The following IQGAP2 variants were observed in gnomAD, a reference collection of about 807,000 sequenced individuals.
The protein encoded by IQGAP2 is ras GTPase-activating-like protein IQGAP2.
In IQGAP2, 173 loss-of-function variants were observed where a neutral mutation model predicts 201.3. That is an observed-to-expected ratio of 0.86 (90% CI 0.76 to 0.98). The LOEUF is 0.98. Among genes scored for constraint, IQGAP2 ranks in the 50% least tolerant of loss-of-function variants. IQGAP2 has a pLI of 0.00. For synonymous variants in IQGAP2, 675 were observed against 673.9 expected, an observed-to-expected ratio of 1.00 and a Z score of -0.03; for missense variants, 1,687 against 1,864.8, an observed-to-expected ratio of 0.90 and a Z score of 1.76.
At chr5:76,636,292 C>G (rs1287175883) in intron 15 of IQGAP2, among the ~76,000 whole-genome samples, 2 of 152,138 alleles carry the variant, frequency 1.3e-5, no homozygotes, top group Non-Finnish European at 2.9e-5. Flanking sequence ...TGTAACCATT[C>G]AACAAAATAA....
At chr5:76,644,850 A>C (rs1031515290) in intron 17 of IQGAP2, among the ~76,000 whole-genome samples, 6 of 152,180 alleles carry the variant, frequency 3.9e-5, no homozygotes, top group Non-Finnish European at 8.8e-5. Flanking sequence ...ATGGAACAAA[A>C]AAATTCTTTT....
At chr5:76,517,604 C>CA (rs36102224) in intron 2 of IQGAP2, among the ~76,000 whole-genome samples, 1,883 of 83,160 alleles carry the variant, frequency 0.023, 39 homozygotes, top group East Asian at 0.055. Context: ...GACCCTGTTT[C>CA]AAAAAAAAAA....
intron 16 of IQGAP2, 40 bp from the exon 17 acceptor site, chr5:76,640,893 T>TATTC (rs1751520371): frequency 7.0e-7 from 1 of 1,425,702 alleles, no homozygotes; most frequent in South Asian, 1.4e-5. Context: ...GCCTTTCAGC[T>TATTC]GATGTGTGAA....
chr5:76,486,485 A>G (rs1193117671), intron 2 of IQGAP2, among the ~76,000 whole-genome samples: 1 of 152,186 alleles, frequency 6.6e-6, no homozygotes, highest in Non-Finnish European at 1.5e-5. Flanking sequence ...TTCATCCTCA[A>G]CACATAAATT....
At chr5:76,423,005 A>G (rs553123685) in intron 1 of IQGAP2, among the ~76,000 whole-genome samples, 4 of 152,326 alleles carry the variant, frequency 2.6e-5, no homozygotes, top group East Asian at 3.9e-4. Flanking sequence ...GAACCAGGCA[A>G]TGCTACGCCA....
chr5:76,556,253 G>T (rs1479368281), intron 2 of IQGAP2, among the ~76,000 whole-genome samples: 2 of 152,078 alleles, frequency 1.3e-5, no homozygotes, highest in Non-Finnish European at 2.9e-5. Flanking sequence ...GGGAAGGCTG[G>T]TTTCCCCACC....
chr5:76,640,520 G>A (rs1269616392), intron 16 of IQGAP2, among the ~76,000 whole-genome samples: 1 of 152,184 alleles, frequency 6.6e-6, no homozygotes, highest in African/African-American at 2.4e-5. Context: ...GGAAGAAATG[G>A]GAAAGAAGTC....
rs774358557 is a variant in IQGAP2 at position 76,578,503 on chromosome 5, G to A, written c.458+2734G>A. Among the ~76,000 whole-genome samples, 7 of 152,022 alleles carry A rather than the reference G, an allele frequency of 4.6e-5. No individual in the cohort carries two copies. In the East Asian group the frequency reaches 5.8e-4, roughly 13 times the overall value. On this transcript the variant is annotated intron_variant, in intron 5 of 35. Transcript: ENST00000274364. ...AATTTTTTGTATTTTTAGTAGAGACGGGGTTTCACCATGTTGGCCAGGATG... is the reference window on the plus strand; with the variant it reads ...AATTTTTTGTATTTTTAGTAGAGACAGGGTTTCACCATGTTGGCCAGGATG...
intron 2 of IQGAP2, among the ~76,000 whole-genome samples, chr5:76,502,716 TC>T (rs1279936214): frequency 2.0e-5 from 3 of 152,198 alleles, no homozygotes; most frequent in African/African-American, 7.2e-5. Context: ...ACAATTTGTT[TC>T]AAAAGAAGAG....
Position 76,449,073 on chromosome 5 carries a change from C to T in IQGAP2, c.47-12497C>T, listed in dbSNP as rs145014187. Among the ~76,000 whole-genome samples, 358 of 152,272 alleles carry T rather than the reference C, an allele frequency of 2.4e-3. 1 individual carries two copies. The highest frequency in any genetic ancestry group is 7.8e-3 in the African/African-American group (325 of 41,560). On this transcript the variant is annotated intron_variant, in intron 1 of 35. Transcript: ENST00000274364. ...ACCTGGGGGTCTCCCTTCACCTATT[C>T]TGGAGAAGCTCAAAGACTTGGAAGG...
chr5:76,507,724 C>T (rs1757687323), intron 2 of IQGAP2, among the ~76,000 whole-genome samples: 1 of 152,102 alleles, frequency 6.6e-6, no homozygotes, highest in African/African-American at 2.4e-5. Flanking sequence ...AAAAATTGGG[C>T]CAATGGGCCA....
chr5:76,602,295 G>A lies in IQGAP2; in HGVS notation c.1232+1323G>A, dbSNP rs72777525. Among the ~76,000 whole-genome samples, 1,366 of 152,190 alleles carry A rather than the reference G, an allele frequency of 9.0e-3. 10 individuals are homozygous for A. Among genetic ancestry groups the A allele is most frequent in the Middle Eastern group, 0.034 (10 of 294 alleles). On this transcript the variant is annotated intron_variant, in intron 11 of 35. Coordinates refer to ENST00000274364, the MANE Select transcript of IQGAP2 (RefSeq NM_006633.5). ...AGTGCTAGAGTAGAAGACAGACCCG[G>A]TCAATCCCTTATGAAGCTTACAGGC... is the stretch of plus-strand genomic sequence containing the variant.
At chr5:76,529,730 G>A (rs1296862959) in intron 2 of IQGAP2, among the ~76,000 whole-genome samples, 1 of 151,138 alleles carries the variant, frequency 6.6e-6, no homozygotes, top group Non-Finnish European at 1.5e-5. Flanking sequence ...TGAAATTGGG[G>A]GAAATTGGAA....
intron 2 of IQGAP2, among the ~76,000 whole-genome samples, chr5:76,558,523 A>T (rs1187451143): frequency 6.6e-6 from 1 of 152,084 alleles, no homozygotes; most frequent in Non-Finnish European, 1.5e-5. Context: ...TATTTTTTTT[A>T]AGGCGGCATT....
Position 76,685,337 on chromosome 5 carries a change from C to T in IQGAP2, c.3905+1420C>T, listed in dbSNP as rs372600250. ...TGTAAATGAAATTAGGCCAAGTATCCCATGATCTCATAAGCTTTGTCCTTT... is the reference window on the plus strand; with the variant it reads ...TGTAAATGAAATTAGGCCAAGTATCTCATGATCTCATAAGCTTTGTCCTTT... On this transcript the variant is annotated intron_variant, in intron 30 of 35. Coordinates refer to ENST00000274364, the MANE Select transcript of IQGAP2 (RefSeq NM_006633.5). Among the ~76,000 whole-genome samples, 10 of 152,180 alleles carry T rather than the reference C, an allele frequency of 6.6e-5. No homozygotes were observed. The South Asian group carries it at 1.9e-3, about 28-fold the overall frequency.
chr5:76,492,763 G>A (rs1398441896), intron 2 of IQGAP2, among the ~76,000 whole-genome samples: 1 of 152,166 alleles, frequency 6.6e-6, no homozygotes, highest in East Asian at 1.9e-4. Context: ...CCTGACCCAA[G>A]ACACAGTCCG....
At chr5:76,558,586 A>G (rs112492791) in intron 2 of IQGAP2, among the ~76,000 whole-genome samples, 2,802 of 152,182 alleles carry the variant, frequency 0.018, 90 homozygotes, top group African/African-American at 0.063. Flanking sequence ...TTCTTACTTC[A>G]GTTTATTTGA....
At chr5:76,436,518 T>TA (rs1439729076) in intron 1 of IQGAP2, among the ~76,000 whole-genome samples, 14 of 19,714 alleles carry the variant, frequency 7.1e-4, no homozygotes, top group African/African-American at 1.5e-3. Flanking sequence ...TATATATATA[T>TA]TTTTTTTTTT....
intron 15 of IQGAP2, 64 bp from the exon 16 acceptor site, chr5:76,636,970 A>G (rs756558005): frequency 3.9e-6 from 5 of 1,291,884 alleles, no homozygotes; most frequent in Non-Finnish European, 5.3e-6. Context: ...CATATTAAAG[A>G]AACTACACTA....
Sources: allele counts gnomAD v4.1 joint callset (sites outside exome capture counted in the v4.1 genomes callset), GRCh38; gene constraint gnomAD v4.1.1; transcripts MANE v1.5; gene names NCBI Gene and HGNC (gene_info 2026-07-23, HGNC 2026-07-21).